Variants in RANBP2 observed in about 807,000 individuals in gnomAD.
The protein encoded by RANBP2 is RAN binding protein 2.
A neutral mutation model predicts 303.6 loss-of-function variants in RANBP2; 57 were observed. The observed-to-expected ratio is 0.19, with a 90% CI of 0.15 to 0.23. RANBP2 has a LOEUF of 0.23. Among genes scored for constraint, RANBP2 ranks in the 10% least tolerant of loss-of-function variants. The probability of loss-of-function intolerance (pLI) is 1.00; values close to 1 mark genes in which losing one functional copy is unlikely to be tolerated. For missense variants in RANBP2, 3,138 were observed against 3,780.8 expected (o/e 0.83, Z 4.46); for synonymous variants, 1,167 against 1,301.5 (o/e 0.90, Z 2.23).
At chr2:109,642,013 C>T in the RANBP2 span, among the ~76,000 whole-genome samples, 5 of 152,208 alleles carry the variant, frequency 3.3e-5, no homozygotes, top group African/African-American at 1.2e-4. Context: ...ATCATGTTGA[C>T]CAGGCTGGTC....
chr2:109,087,050 C>A, the RANBP2 span, among the ~76,000 whole-genome samples: 1 of 152,282 alleles, frequency 6.6e-6, no homozygotes, highest in Non-Finnish European at 1.5e-5. Context: ...TTTTAGGTAG[C>A]AAGTTGGGAC....
the RANBP2 span, among the ~76,000 whole-genome samples, chr2:108,996,914 G>A: frequency 3.9e-5 from 6 of 152,170 alleles, no homozygotes; most frequent in African/African-American, 1.2e-4. Flanking sequence ...AGGCTTGGAT[G>A]AGCACATGGG....
the RANBP2 span, among the ~76,000 whole-genome samples, chr2:109,498,946 G>A: frequency 6.6e-6 from 1 of 152,222 alleles, no homozygotes; most frequent in African/African-American, 2.4e-5. Context: ...GCGCGGCAGG[G>A]CAGAGCTGGT....
chr2:109,709,714 G>C, the RANBP2 span, among the ~76,000 whole-genome samples: 1 of 152,264 alleles, frequency 6.6e-6, no homozygotes, highest in African/African-American at 2.4e-5. Context: ...TTTACATATG[G>C]AGGGAAGGTC....
the RANBP2 span, among the ~76,000 whole-genome samples, chr2:109,143,240 A>G: frequency 0.058 from 8,838 of 152,278 alleles, 320 homozygotes; most frequent in East Asian, 0.12. Flanking sequence ...AACAAATTTA[A>G]ATAAAAAGTG....
At chr2:109,426,341 A>C in the RANBP2 span, among the ~76,000 whole-genome samples, 2 of 152,212 alleles carry the variant, frequency 1.3e-5, no homozygotes, top group Non-Finnish European at 2.9e-5. Flanking sequence ...GATTCATGGG[A>C]GGAGGTCAAA....
chr2:109,083,033 A>T, the RANBP2 span, among the ~76,000 whole-genome samples: 1 of 150,778 alleles, frequency 6.6e-6, no homozygotes, highest in South Asian at 2.1e-4. Context: ...TCGCTATGTT[A>T]GCCAGGATGG....
chr2:109,197,018 G>A, the RANBP2 span, among the ~76,000 whole-genome samples: 1 of 152,220 alleles, frequency 6.6e-6, no homozygotes, highest in Admixed American at 6.5e-5. Context: ...CCATAGCCCT[G>A]TGAGTGGGTG....
chr2:109,095,164 T>C, the RANBP2 span, among the ~76,000 whole-genome samples: 2 of 110,622 alleles, frequency 1.8e-5, no homozygotes, highest in Non-Finnish European at 4.5e-5. Context: ...GAGTTAGTCA[T>C]TCCCCCGCTA....
At chr2:109,705,086 T>C in the RANBP2 span, among the ~76,000 whole-genome samples, 1 of 135,182 alleles carries the variant, frequency 7.4e-6, no homozygotes, top group East Asian at 2.1e-4. Context: ...AATAAATAAA[T>C]AAATAAATAA....
chr2:109,639,512 G>A, the RANBP2 span, among the ~76,000 whole-genome samples: 5 of 151,824 alleles, frequency 3.3e-5, no homozygotes, highest in Non-Finnish European at 7.4e-5. Context: ...CCAGCTACTC[G>A]GGAGGCTGAG....
At chr2:109,143,838 A>T in the RANBP2 span, among the ~76,000 whole-genome samples, 1 of 151,940 alleles carries the variant, frequency 6.6e-6, no homozygotes, top group Admixed American at 6.6e-5. Flanking sequence ...ACACACGTAT[A>T]TACACAAACA....
At chr2:109,181,365 C>T in the RANBP2 span, among the ~76,000 whole-genome samples, 91 of 152,250 alleles carry the variant, frequency 6.0e-4, 1 homozygote, top group East Asian at 0.015. Flanking sequence ...ACAGGTTTTA[C>T]CAGGGTTTCA....
chr2:108,736,274 T>G, intron 6 of RANBP2, 25 bp downstream of exon 6: 1 of 1,611,944 alleles, frequency 6.2e-7, no homozygotes, highest in Middle Eastern at 2.3e-4. Context: ...AGAAGAATGC[T>G]TTAGTATAAA....
the RANBP2 span, among the ~76,000 whole-genome samples, chr2:109,424,715 G>A: frequency 4.6e-5 from 7 of 152,116 alleles, no homozygotes; most frequent in Non-Finnish European, 5.9e-5. Context: ...GAACTTACTC[G>A]ATAAGTGATG....
the RANBP2 span, among the ~76,000 whole-genome samples, chr2:109,376,828 C>T: frequency 6.6e-6 from 1 of 152,250 alleles, no homozygotes; most frequent in Non-Finnish European, 1.5e-5. Flanking sequence ...AGCATCTCAG[C>T]ATCTCTGACA....
At chr2:108,973,431 T>C in the RANBP2 span, among the ~76,000 whole-genome samples, 36 of 152,318 alleles carry the variant, frequency 2.4e-4, no homozygotes, top group African/African-American at 8.2e-4. Flanking sequence ...CTGGGCTCAG[T>C]GCAGTGCTGG....
chr2:109,361,547 C>T, the RANBP2 span, among the ~76,000 whole-genome samples: 2,089 of 152,238 alleles, frequency 0.014, 29 homozygotes, highest in Non-Finnish European at 0.02. Flanking sequence ...GATCTTGGCT[C>T]ATTGCAACCT....
At chr2:109,063,335 C>T in the RANBP2 span, among the ~76,000 whole-genome samples, 2 of 152,264 alleles carry the variant, frequency 1.3e-5, no homozygotes, top group South Asian at 4.2e-4. Flanking sequence ...CACAAAATGC[C>T]CTGTGCCTGG....
Sources: allele counts gnomAD v4.1 joint callset (sites outside exome capture counted in the v4.1 genomes callset), GRCh38; gene constraint gnomAD v4.1.1; transcripts MANE v1.5; gene names NCBI Gene and HGNC (gene_info 2026-07-23, HGNC 2026-07-21).